Variants in REV1 observed in about 807,000 individuals in gnomAD.
REV1 encodes the protein REV1 DNA directed polymerase.
Under a neutral mutation model 137.4 loss-of-function variants are expected in REV1, and 42 were observed. The observed-to-expected ratio is 0.31, with a 90% CI of 0.24 to 0.40. The LOEUF is 0.40. Ranked by LOEUF, REV1 falls within the 10% of genes least tolerant of loss-of-function variation. The probability of loss-of-function intolerance (pLI) is 1.00; values close to 1 mark genes in which losing one functional copy is unlikely to be tolerated. For synonymous variants in REV1, 524 were observed against 519.2 expected, an observed-to-expected ratio of 1.01 and a Z score of -0.12; for missense variants, 1,282 against 1,490.1, an observed-to-expected ratio of 0.86 and a Z score of 2.30.
intron 6 of REV1, among the ~76,000 whole-genome samples, chr2:99,436,195 T>C (rs182590615): frequency 1.1e-4 from 17 of 152,324 alleles, no homozygotes; most frequent in African/African-American, 3.4e-4. Context: ...TACAAAGGTG[T>C]TGGCATACAT....
At chr2:99,475,408 G>C (rs1430019254) in intron 1 of REV1, among the ~76,000 whole-genome samples, 3 of 152,166 alleles carry the variant, frequency 2.0e-5, no homozygotes, top group African/African-American at 7.2e-5. Flanking sequence ...TGCTTGCTTG[G>C]ACCAGTATAA....
At chr2:99,452,948 T>C (rs1559373971) in intron 3 of REV1, among the ~76,000 whole-genome samples, 2 of 152,260 alleles carry the variant, frequency 1.3e-5, no homozygotes, top group South Asian at 4.1e-4. Context: ...GTTATTTAAC[T>C]TCTCAGAACC....
At chr2:99,436,277 T>C (rs1052594490) in intron 6 of REV1, among the ~76,000 whole-genome samples, 1 of 152,184 alleles carries the variant, frequency 6.6e-6, no homozygotes, top group African/African-American at 2.4e-5. Flanking sequence ...CGCGCCTGGA[T>C]AAAATAACAA....
In REV1 at chr2:99,483,207, A is replaced by G. The variant is rs572835935; in HGVS notation, c.-11+6610T>C. On this transcript the variant is annotated intron_variant, in intron 1 of 22. Transcript: ENST00000258428. ...TAAAATACAGAACTTAATGAAAACC[A>G]TTTAAAAGAGCAAAAAATCTAAGTA... Among the ~76,000 whole-genome samples the G allele has an allele frequency of 1.1e-4, 16 of 152,284 alleles. 2 individuals are homozygous for G. The South Asian group carries it at 3.3e-3, about 32-fold the overall frequency.
intron 3 of REV1, among the ~76,000 whole-genome samples, chr2:99,452,011 A>G (rs977413126): frequency 6.6e-6 from 1 of 152,042 alleles, no homozygotes; most frequent in Non-Finnish European, 1.5e-5. Context: ...CTTCAATACT[A>G]GAACATACTC....
At position 99,461,652 on chromosome 2, in the gene REV1, A is replaced by G. The variant is rs556919417; in HGVS notation, c.181+844T>C. Among the ~76,000 whole-genome samples, 20 of 152,350 alleles carry G rather than the reference A, an allele frequency of 1.3e-4. No homozygotes were observed. In the South Asian group the frequency reaches 3.9e-3, roughly 30 times the overall value. Reference sequence around the variant, plus strand: ...AGAAGAATCCCCAAGAAAATAGAGAAAAATTTAGGCAGAAAACCTGGTAAC... The same window carrying G: ...AGAAGAATCCCCAAGAAAATAGAGAGAAATTTAGGCAGAAAACCTGGTAAC... On this transcript the variant is annotated intron_variant, in intron 3 of 22. Coordinates refer to ENST00000258428, the MANE Select transcript of REV1 (RefSeq NM_016316.4).
rs3087385 is a variant in REV1 at position 99,410,689 on chromosome 2, G to C, written c.2345+6C>G. On this transcript the variant is annotated splice_donor_region_variant and intron_variant, in intron 14 of 22. Coordinates refer to ENST00000258428, the MANE Select transcript of REV1 (RefSeq NM_016316.4). ...ATTACCAATATCATTTCTGAGGTGA[G>C]CTTACCTGGCAATGTTATCACAAAT... 30,631 of 1,580,934 alleles carry C rather than the reference G, an allele frequency of 0.019. 380 individuals carry two copies. Among genetic ancestry groups the C allele is most frequent in the Middle Eastern group, 0.025 (147 of 5,882 alleles).
chr2:99,479,360 C>T (rs1050587702), intron 1 of REV1, among the ~76,000 whole-genome samples: 1 of 150,148 alleles, frequency 6.7e-6, no homozygotes, highest in Non-Finnish European at 1.5e-5. Flanking sequence ...AGATTACAGG[C>T]AACAAAATCT....
intron 15 of REV1, 35 bp downstream of exon 15, chr2:99,407,994 C>G (rs368626078): frequency 8.1e-5 from 109 of 1,341,750 alleles, no homozygotes; most frequent in Non-Finnish European, 1.1e-4. Context: ...ATACATTACA[C>G]AAAGTCAGAA....
At chr2:99,421,873 A>T (rs2104598635) in intron 10 of REV1, among the ~76,000 whole-genome samples, 1 of 152,324 alleles carries the variant, frequency 6.6e-6, no homozygotes, top group South Asian at 2.1e-4. Flanking sequence ...AGCATATTGG[A>T]TAGGAAAATG....
intron 1 of REV1, among the ~76,000 whole-genome samples, chr2:99,472,527 G>A (rs1485180968): frequency 2.0e-5 from 3 of 152,132 alleles, no homozygotes; most frequent in African/African-American, 4.8e-5. Context: ...TATATGTATC[G>A]TACCACAATT....
intron 19 of REV1, 143 bp downstream of exon 19, chr2:99,403,552 G>T: frequency 9.9e-7 from 1 of 1,005,650 alleles, no homozygotes; most frequent in Non-Finnish European, 1.5e-6. Flanking sequence ...TACTCATACT[G>T]TATACTTCAG....
intron 3 of REV1, among the ~76,000 whole-genome samples, chr2:99,458,645 C>G (rs1366033579): frequency 6.6e-6 from 1 of 152,138 alleles, no homozygotes; most frequent in African/African-American, 2.4e-5. Flanking sequence ...TGTGATGTCC[C>G]TAACAGATGA....
chr2:99,464,858 T>C, intron 2 of REV1, 64 bp downstream of exon 2: 1 of 1,476,686 alleles, frequency 6.8e-7, no homozygotes, highest in East Asian at 2.3e-5. Flanking sequence ...AACCACATTA[T>C]AACAGAAGAA....
chr2:99,446,415 T>C (rs1184702634), intron 4 of REV1, among the ~76,000 whole-genome samples: 1 of 152,242 alleles, frequency 6.6e-6, no homozygotes, highest in Non-Finnish European at 1.5e-5. Flanking sequence ...AGTTGCTTTT[T>C]CTATCTTATG....
At chr2:99,406,541 T>G in intron 15 of REV1, 51 bp from the exon 16 acceptor site, 2 of 1,420,234 alleles carry the variant, frequency 1.4e-6, no homozygotes, top group Non-Finnish European at 1.9e-6. Flanking sequence ...AGTGAAAATA[T>G]GAATTCAGCT....
intron 19 of REV1, chr2:99,403,486 G>C: frequency 1.5e-6 from 1 of 649,742 alleles, no homozygotes; most frequent in South Asian, 2.2e-5. Context: ...GTAAAAAGTG[G>C]TGTGTTTAAA....
chr2:99,418,791 C>T (rs745862904), intron 12 of REV1, 37 bp downstream of exon 12: 1 of 1,575,564 alleles, frequency 6.3e-7, no homozygotes, highest in Non-Finnish European at 8.7e-7. Context: ...ACTTGTAATG[C>T]CTGTAATAAA....
At chr2:99,456,132 A>G (rs904991153) in intron 3 of REV1, among the ~76,000 whole-genome samples, 3 of 152,216 alleles carry the variant, frequency 2.0e-5, no homozygotes, top group African/African-American at 4.8e-5. Context: ...CAGGCCTCAA[A>G]TGTGGCCCAT....
Sources: allele counts gnomAD v4.1 joint callset (sites outside exome capture counted in the v4.1 genomes callset), GRCh38; gene constraint gnomAD v4.1.1; transcripts MANE v1.5; gene names NCBI Gene and HGNC (gene_info 2026-07-23, HGNC 2026-07-21).